Variants in TMC1 observed in about 807,000 individuals in gnomAD.
The protein encoded by TMC1 is transmembrane channel like 1.
TMC1 carries 84 observed loss-of-function variants against 105.8 expected under a neutral mutation model. That is an observed-to-expected ratio of 0.79 (90% CI 0.67 to 0.95). The LOEUF (loss-of-function observed/expected upper bound fraction) is 0.95, where lower values mean the gene tolerates loss of function less well. Among genes scored for constraint, TMC1 ranks in the 40% least tolerant of loss-of-function variants. The pLI is 0.00. For missense variants in TMC1, 817 were observed against 914.1 expected (o/e 0.89, Z 1.37); for synonymous variants, 315 against 311.5 (o/e 1.01, Z -0.12).
At chr9:72,645,671 G>A (rs1003724662) in intron 4 of TMC1, among the ~76,000 whole-genome samples, 1 of 152,158 alleles carries the variant, frequency 6.6e-6, no homozygotes, top group Non-Finnish European at 1.5e-5. Context: ...CAATGTTCCT[G>A]TTCATTGTCA....
chr9:72,643,215 G>A (rs1024777724), intron 4 of TMC1, among the ~76,000 whole-genome samples: 1 of 150,792 alleles, frequency 6.6e-6, no homozygotes, highest in African/African-American at 2.4e-5. Context: ...CACATGTACA[G>A]AAGTAGATTA....
At chr9:72,617,427 G>A (rs1458548290) in intron 3 of TMC1, among the ~76,000 whole-genome samples, 1 of 152,084 alleles carries the variant, frequency 6.6e-6, no homozygotes, top group East Asian at 1.9e-4. Flanking sequence ...CTCCCAAAAT[G>A]CTGGGATTAC....
rs540012070 is a variant in TMC1 at position 72,579,771 on chromosome 9, C to G, written c.-306+1748C>G. Among the ~76,000 whole-genome samples, 3 of 152,154 alleles carry G rather than the reference C, an allele frequency of 2.0e-5. No individual in the cohort carries two copies. In the East Asian group the frequency reaches 5.8e-4, roughly 29 times the overall value. ...GTGCAGTGGCTTATGTTTGTAATCC[C>G]AGCACTTTGGGAGGCCAAGGTGGGT... On this transcript the variant is annotated intron_variant, in intron 2 of 23. Transcript: ENST00000297784.
At chr9:72,806,287 G>C (rs1828580903) in intron 18 of TMC1, among the ~76,000 whole-genome samples, 1 of 149,536 alleles carries the variant, frequency 6.7e-6, no homozygotes, top group African/African-American at 2.5e-5. Context: ...TCACTTCCCA[G>C]TAGGGGCAGC....
intron 1 of TMC1, among the ~76,000 whole-genome samples, chr9:72,533,371 G>C (rs2132059069): frequency 6.6e-6 from 1 of 152,308 alleles, no homozygotes; most frequent in African/African-American, 2.4e-5. Flanking sequence ...TAAATTAAAG[G>C]AAAAGAGGGT....
intron 10 of TMC1, among the ~76,000 whole-genome samples, chr9:72,746,987 C>G (rs1210420001): frequency 2.6e-5 from 4 of 152,140 alleles, no homozygotes; most frequent in African/African-American, 9.7e-5. Context: ...AATCTATACC[C>G]ATTGTGATGC....
chr9:72,656,786 T>G (rs1004776733), intron 5 of TMC1, among the ~76,000 whole-genome samples: 3 of 152,214 alleles, frequency 2.0e-5, no homozygotes, highest in African/African-American at 7.2e-5. Flanking sequence ...TTTCTTTTTT[T>G]TCCCCCCTCC....
At chr9:72,551,297 A>G (rs1047664726) in intron 1 of TMC1, among the ~76,000 whole-genome samples, 3 of 152,200 alleles carry the variant, frequency 2.0e-5, no homozygotes, top group Non-Finnish European at 4.4e-5. Flanking sequence ...TAGGAAACTT[A>G]TATAGTGGGC....
At chr9:72,561,656 T>C (rs1364095966) in intron 1 of TMC1, among the ~76,000 whole-genome samples, 1 of 152,146 alleles carries the variant, frequency 6.6e-6, no homozygotes, top group East Asian at 1.9e-4. Flanking sequence ...TTAGAGCAAG[T>C]TGGTCTGAGG....
chr9:72,591,835 G>C (rs1235658397), intron 2 of TMC1, among the ~76,000 whole-genome samples: 1 of 152,132 alleles, frequency 6.6e-6, no homozygotes, highest in Admixed American at 6.5e-5. Context: ...CTCCCAAAGT[G>C]CTGGGATTAT....
chr9:72,767,210 A>C (rs904292813), intron 12 of TMC1, among the ~76,000 whole-genome samples: 3 of 152,202 alleles, frequency 2.0e-5, no homozygotes, highest in African/African-American at 7.2e-5. Context: ...ACATACCCTC[A>C]GCAGATATGC....
At chr9:72,600,285 T>C (rs1272364828) in intron 2 of TMC1, among the ~76,000 whole-genome samples, 2 of 152,228 alleles carry the variant, frequency 1.3e-5, no homozygotes, top group Non-Finnish European at 2.9e-5. Flanking sequence ...AGCAACAAAA[T>C]GCACACTTGG....
rs183619765 is a variant in TMC1 at position 72,710,356 on chromosome 9, G to C, written c.362+9713G>C. On this transcript the variant is annotated intron_variant, in intron 8 of 23. Transcript: ENST00000297784. ...TAGAATATTCTGTAAATATCTGTTG[G>C]GTCCATTTGTTCTAGGTATAGTTTT... Among the ~76,000 whole-genome samples, 239 of 152,120 alleles carry C rather than the reference G, an allele frequency of 1.6e-3. 1 individual carries two copies. Among genetic ancestry groups the C allele is most frequent in the African/African-American group, 5.4e-3 (225 of 41,510 alleles).
At chr9:72,626,370 A>C (rs1337248197) in intron 3 of TMC1, among the ~76,000 whole-genome samples, 3 of 152,184 alleles carry the variant, frequency 2.0e-5, no homozygotes, top group Non-Finnish European at 4.4e-5. Flanking sequence ...TCTGGCTTGG[A>C]GATGTGGATC....
intron 5 of TMC1, among the ~76,000 whole-genome samples, chr9:72,654,527 A>G (rs995758634): frequency 6.6e-6 from 1 of 152,102 alleles, no homozygotes; most frequent in East Asian, 1.9e-4. Flanking sequence ...TGGGTTTACA[A>G]TATAAATCTT....
rs866460741 is a variant in TMC1, at chr9:72,806,098, T to A, written c.1695+588T>A. Reference sequence around the variant, plus strand: ...CGGGGTGGTGGCCGGGCAGAGGGGCTCCTCACTTCCCAGTAGGGGCGGCCG... The same window carrying A: ...CGGGGTGGTGGCCGGGCAGAGGGGCACCTCACTTCCCAGTAGGGGCGGCCG... On this transcript the variant is annotated intron_variant, in intron 18 of 23. Coordinates refer to ENST00000297784, the MANE Select transcript of TMC1 (RefSeq NM_138691.3). Among the ~76,000 whole-genome samples the A allele has an allele frequency of 4.0e-3, 600 of 151,660 alleles. 3 individuals are homozygous for A. Among genetic ancestry groups the A allele is most frequent in the African/African-American group, 0.013 (547 of 41,326 alleles).
chr9:72,799,021 TG>T (rs1309235073), intron 17 of TMC1, among the ~76,000 whole-genome samples: 1 of 152,088 alleles, frequency 6.6e-6, no homozygotes, highest in African/African-American at 2.4e-5. Context: ...AAAGAAATAA[TG>T]TTTCATATGG....
intron 8 of TMC1, among the ~76,000 whole-genome samples, chr9:72,737,557 T>C (rs1045770720): frequency 2.0e-5 from 3 of 152,168 alleles, no homozygotes; most frequent in Non-Finnish European, 4.4e-5. Context: ...GACACTCATG[T>C]ATGTGGGACA....
intron 5 of TMC1, among the ~76,000 whole-genome samples, chr9:72,680,284 C>T (rs1342943454): frequency 6.6e-6 from 1 of 151,970 alleles, no homozygotes; most frequent in Non-Finnish European, 1.5e-5. Context: ...ATATTACATG[C>T]CATATACAAA....
Sources: gnomAD v4.1 joint callset for allele counts (sites outside exome capture counted in the v4.1 genomes callset) on GRCh38, gnomAD v4.1.1 for gene constraint, MANE v1.5 for transcripts, NCBI Gene and HGNC (gene_info 2026-07-23, HGNC 2026-07-21) for gene names.